Variants in ABHD2 observed in about 807,000 individuals in gnomAD.
The protein encoded by ABHD2 is abhydrolase domain containing 2, acylglycerol lipase.
ABHD2 carries 20 observed loss-of-function variants against 48.1 expected under a neutral mutation model. The observed-to-expected ratio is 0.42, with a 90% CI of 0.29 to 0.60. ABHD2 has a LOEUF of 0.60. Ranked by LOEUF, ABHD2 falls within the 20% of genes least tolerant of loss-of-function variation. The pLI, the probability that ABHD2 is intolerant of heterozygous loss-of-function variation, is 0.24. For synonymous variants in ABHD2, 209 were observed against 214.2 expected, an observed-to-expected ratio of 0.98 and a Z score of 0.21; for missense variants, 405 against 550.9, an observed-to-expected ratio of 0.74 and a Z score of 2.65.
chr15:89,143,273 T>G (rs186961095), intron 3 of ABHD2, among the ~76,000 whole-genome samples: 33 of 152,352 alleles, frequency 2.2e-4, no homozygotes, highest in Admixed American at 1.8e-3. Context: ...CCACATGCAG[T>G]TTTAACTATT....
At chr15:89,101,781 T>C (rs2049704688) in intron 1 of ABHD2, among the ~76,000 whole-genome samples, 2 of 152,160 alleles carry the variant, frequency 1.3e-5, no homozygotes, top group Admixed American at 1.3e-4. Flanking sequence ...CCCCAGTGAA[T>C]ATCTTTGTAT....
At chr15:89,068,754 C>CTTTTTTTTTTTTTTTT in the ABHD2 span, among the ~76,000 whole-genome samples, 31 of 71,390 alleles carry the variant, frequency 4.3e-4, 3 homozygotes, top group Admixed American at 9.5e-4. Flanking sequence ...CAAGCTTCCT[C>CTTTTTTTTTTTTTTTT]TTTTTTTTTT....
intron 3 of ABHD2, among the ~76,000 whole-genome samples, chr15:89,148,068 G>A (rs191865687): frequency 1.5e-4 from 21 of 138,148 alleles, no homozygotes; most frequent in Admixed American, 7.9e-4. Context: ...GCAGTGAGCC[G>A]AGATCGCTCC....
At chr15:89,134,800 A>G (rs923557703) in intron 3 of ABHD2, among the ~76,000 whole-genome samples, 3 of 152,196 alleles carry the variant, frequency 2.0e-5, no homozygotes, top group Admixed American at 2.0e-4. Context: ...AAGTTTTCTT[A>G]TCTCCTTTTC....
chr15:89,124,390 T>C (rs1379656728), intron 3 of ABHD2, among the ~76,000 whole-genome samples: 2 of 152,158 alleles, frequency 1.3e-5, no homozygotes, highest in Non-Finnish European at 2.9e-5. Context: ...CTTCACACAC[T>C]CTCTTCCAGT....
Position 89,167,215 on chromosome 15 carries a change from C to T in ABHD2, c.539-8597C>T, listed in dbSNP as rs570271259. Reference sequence around the variant, plus strand: ...TATTAGATCATAAACATAGGTGTTTCGATAAGCTTCTCATATCTACCATTT... The same window carrying T: ...TATTAGATCATAAACATAGGTGTTTTGATAAGCTTCTCATATCTACCATTT... On this transcript the variant is annotated intron_variant, in intron 5 of 10. Transcript: ENST00000352732. The surrounding 1 kb of genome is among the most constrained non-coding windows in gnomAD (Gnocchi z 5.5). 1.3e-5 allele frequency among the ~76,000 whole-genome samples: 2 copies of T among 152,232 alleles called. No individual in the cohort carries two copies. Among genetic ancestry groups the T allele is most frequent in the Non-Finnish European group, 2.9e-5 (2 of 68,018 alleles).
At chr15:89,133,223 T>C (rs1216782622) in intron 3 of ABHD2, among the ~76,000 whole-genome samples, 1 of 152,232 alleles carries the variant, frequency 6.6e-6, no homozygotes, top group Non-Finnish European at 1.5e-5. Context: ...ATAGGAGTGC[T>C]GAAAGAGCTT....
chr15:89,058,790 C>G, the ABHD2 span, among the ~76,000 whole-genome samples: 1 of 152,280 alleles, frequency 6.6e-6, no homozygotes, highest in South Asian at 2.1e-4. Context: ...CCCTTGAAGC[C>G]TTTCTCTTTC....
rs898047632 is a variant in ABHD2, at chr15:89,166,329, A to T, written c.539-9483A>T. Among the ~76,000 whole-genome samples, 1 of 152,166 alleles carries T rather than the reference A, an allele frequency of 6.6e-6. No homozygotes were observed. Among genetic ancestry groups the T allele is most frequent in the African/African-American group, 2.4e-5 (1 of 41,420 alleles). On this transcript the variant is annotated intron_variant, in intron 5 of 10. Transcript: ENST00000352732. The surrounding 1 kb of genome is among the most constrained non-coding windows in gnomAD (Gnocchi z 4.6). ...AAATTGCTTTTTTCCTGTGAGTTTA[A>T]ACAGGGAAGAAGTGGGCCCTTCCCT... is the stretch of plus-strand genomic sequence containing the variant.
At chr15:89,078,764 C>G in the ABHD2 span, among the ~76,000 whole-genome samples, 1 of 145,830 alleles carries the variant, frequency 6.9e-6, no homozygotes, top group Non-Finnish European at 1.5e-5. Flanking sequence ...GAGACAGAGT[C>G]TTGTCATCCA....
intron 3 of ABHD2, chr15:89,136,462 T>C: frequency 2.1e-6 from 1 of 468,084 alleles, no homozygotes; most frequent in Non-Finnish European, 4.2e-6. Flanking sequence ...GATGGCATTT[T>C]CTCTCTTGGC....
chr15:89,195,450 C>T lies in ABHD2; in HGVS notation c.*27C>T, dbSNP rs769543023. On this transcript the variant is annotated 3_prime_UTR_variant, in exon 11 of 11. Transcript: ENST00000352732. This position sits in a 1 kb window ranked among gnomAD's most constrained non-coding sequence, Gnocchi z 5.1. ...GCCTCCGGACTCTGGCACGCTCCAGCAGCCCTCCTCTGGAAGCTGCGTCCC... is the reference window on the plus strand; with the variant it reads ...GCCTCCGGACTCTGGCACGCTCCAGTAGCCCTCCTCTGGAAGCTGCGTCCC... The T allele has an allele frequency of 6.2e-7, 1 of 1,604,268 alleles. No homozygotes were observed. Among genetic ancestry groups the T allele is most frequent in the Non-Finnish European group, 8.5e-7 (1 of 1,175,138 alleles).
At chr15:89,080,868 A>T in the ABHD2 span, among the ~76,000 whole-genome samples, 3 of 151,066 alleles carry the variant, frequency 2.0e-5, no homozygotes, top group African/African-American at 7.3e-5. Context: ...CCCAAATTTT[A>T]CTCTTCTAGG....
In ABHD2 at chr15:89,102,153, C is replaced by T. The variant is rs1313674879; in HGVS notation, c.-106-11572C>T. On this transcript the variant is annotated intron_variant, in intron 1 of 10. Coordinates refer to ENST00000352732, the MANE Select transcript of ABHD2 (RefSeq NM_152924.5). This position sits in a 1 kb window ranked among gnomAD's most constrained non-coding sequence, Gnocchi z 4.8. ...CCAGCATTCTTGGGCCTTGGCTCAACTGTGAGCCCAGCCTGACGTCTGCAT... is the reference window on the plus strand; with the variant it reads ...CCAGCATTCTTGGGCCTTGGCTCAATTGTGAGCCCAGCCTGACGTCTGCAT... Among the ~76,000 whole-genome samples the T allele has an allele frequency of 1.3e-5, 2 of 152,218 alleles. No homozygotes were observed. Among genetic ancestry groups the T allele is most frequent in the Non-Finnish European group, 2.9e-5 (2 of 68,034 alleles).
In ABHD2 at chr15:89,102,889, G is replaced by A. The variant is rs2049723508; in HGVS notation, c.-106-10836G>A. On this transcript the variant is annotated intron_variant, in intron 1 of 10. Coordinates refer to ENST00000352732, the MANE Select transcript of ABHD2 (RefSeq NM_152924.5). The surrounding 1 kb of genome is among the most constrained non-coding windows in gnomAD (Gnocchi z 4.8). ...GGCTGCTGGTAGGCTAGGGGTGGCA[G>A]GTGGGATTGCCCTTGGGCTTTAAAG... Among the ~76,000 whole-genome samples the A allele has an allele frequency of 6.6e-6, 1 of 152,266 alleles. No homozygotes were observed. The highest frequency in any genetic ancestry group is 6.5e-5 in the Admixed American group (1 of 15,292).
intron 1 of ABHD2, among the ~76,000 whole-genome samples, chr15:89,113,512 C>CCG (rs1489893960): frequency 2.0e-5 from 3 of 152,118 alleles, no homozygotes; most frequent in African/African-American, 4.8e-5. Context: ...TCCTAGAAAC[C>CCG]AGAGAGAGCC....
rs1288779193 is a variant in ABHD2 at position 89,094,344 on chromosome 15, G to A, written c.-107+5781G>A. 6.6e-6 allele frequency: 1 copy of A among 152,144 alleles called. No individual in the cohort carries two copies. Among genetic ancestry groups the A allele is most frequent in the African/African-American group, 2.4e-5 (1 of 41,428 alleles). The allele number at this position is 152,144 out of a possible 1,614,324, so 9.4% of individuals were successfully genotyped here. A position where few individuals can be genotyped will look rare whatever the true frequency, so the allele number is the denominator to read the frequency against. ...ATTTGTGTACTGTTTACTTAGTCAT[G>A]TCAATGAGGGCAATAAAAAACAAAA... is the stretch of plus-strand genomic sequence containing the variant. On this transcript the variant is annotated intron_variant, in intron 1 of 10. Transcript: ENST00000352732. This position sits in a 1 kb window ranked among gnomAD's most constrained non-coding sequence, Gnocchi z 4.7.
At chr15:89,125,164 A>G (rs1250817914) in intron 3 of ABHD2, among the ~76,000 whole-genome samples, 1 of 151,964 alleles carries the variant, frequency 6.6e-6, no homozygotes, top group Admixed American at 6.6e-5. Context: ...GCTGAGGCAG[A>G]AGAATCACTT....
chr15:89,123,498 C>T (rs972451853), intron 3 of ABHD2, among the ~76,000 whole-genome samples: 4 of 151,774 alleles, frequency 2.6e-5, no homozygotes, highest in Non-Finnish European at 4.4e-5. Flanking sequence ...TTTTTAATTA[C>T]GGAAGTTTTC....
Sources: allele counts gnomAD v4.1 joint callset (sites outside exome capture counted in the v4.1 genomes callset), GRCh38; gene constraint gnomAD v4.1.1; non-coding constraint Gnocchi (gnomAD v3.1); transcripts MANE v1.5; gene names NCBI Gene and HGNC (gene_info 2026-07-23, HGNC 2026-07-21).